The following GRB7 variants were observed in gnomAD, a reference collection of about 807,000 sequenced individuals.
GRB7 encodes the protein growth factor receptor-bound protein 7.
Under a neutral mutation model 64.1 loss-of-function variants are expected in GRB7, and 47 were observed. That is an observed-to-expected ratio of 0.73 (90% CI 0.58 to 0.94). The LOEUF (loss-of-function observed/expected upper bound fraction) is 0.94, where lower values mean the gene tolerates loss of function less well. Ranked by LOEUF, GRB7 falls within the 40% of genes least tolerant of loss-of-function variation. The pLI, the probability that GRB7 is intolerant of heterozygous loss-of-function variation, is 0.00. For synonymous variants in GRB7, 277 were observed against 279.9 expected (o/e 0.99, Z 0.10); for missense variants, 634 against 718.4 (o/e 0.88, Z 1.34).
At chr17:39,746,077 G>C (rs2060043456) in intron 13 of GRB7, 32 bp from the exon 14 acceptor site, 2 of 1,611,740 alleles carry the variant, frequency 1.2e-6, no homozygotes, top group Non-Finnish European at 1.7e-6. Flanking sequence ...TCCTTGGGTA[G>C]TAATGCTGCC....
Position 39,743,413 on chromosome 17 carries a change from A to C in GRB7, c.606A>C (p.Lys202Asn). ...CACAGCACTCCCTGTTCCCAGAAAA[A>C]ATGGTCTCCAGCTGTCTCGATGCAC... is the stretch of plus-strand genomic sequence containing the variant. Reference protein sequence around the residue: ...KSSPHSLFPEKMVSSCLDAHT... With the variant: ...KSSPHSLFPENMVSSCLDAHT... Residue 202 changes from lysine to asparagine, a missense_variant, in exon 6 of 15, where the codon AAA becomes AAC. By Grantham distance (94) the Lys-to-Asn change is moderately conservative. Transcript: ENST00000309156. 6.2e-7 allele frequency: 1 copy of C among 1,614,028 alleles called. No homozygotes were observed. Among genetic ancestry groups the C allele is most frequent in the South Asian group, 1.1e-5 (1 of 91,080 alleles).
rs781514544 is a variant in GRB7 at position 39,746,209 on chromosome 17, T to G, written c.1452+7T>G. 1 of 1,609,454 alleles carries G rather than the reference T, an allele frequency of 6.2e-7. No individual in the cohort carries two copies. Among genetic ancestry groups the G allele is most frequent in the Admixed American group, 1.7e-5 (1 of 60,004 alleles). On this transcript the variant is annotated splice_region_variant and intron_variant, in intron 14 of 14. Transcript: ENST00000309156. ...GCATTATCTCATCCTGCCGGTGAGC[T>G]TCCCTGCGTCCCCGGAGTCCTGCAA...
intron 1 of GRB7, chr17:39,740,190 G>T (rs1373457422): frequency 2.0e-6 from 2 of 984,374 alleles, no homozygotes; most frequent in East Asian, 1.1e-4. Flanking sequence ...AGGTTAGACT[G>T]GGGTGGGAGT....
In GRB7 at chr17:39,742,716, T is replaced by G; in HGVS notation, c.306T>G (p.His102Gln). The G allele has an allele frequency of 6.4e-7, 1 of 1,554,288 alleles. No homozygotes were observed. The highest frequency in any genetic ancestry group is 8.7e-7 in the Non-Finnish European group (1 of 1,150,682). Reference protein sequence around the residue: ...GLLPRDASRPHVVKVYSEDGA... With the variant: ...GLLPRDASRPQVVKVYSEDGA... The stretch of plus-strand genomic sequence containing the variant: ...TCCCCCGCGATGCCAGCCGCCCCCA[T>G]GTGAGTTGTCCCTCAGAAGGGAAGG... Residue 102 changes from histidine to glutamine, a missense_variant and splice_region_variant, in exon 3 of 15, where the codon CAT becomes CAG. Physicochemically the swap from His to Gln is conservative, Grantham distance 24 (BLOSUM62 0). Around this residue, in one of 2 missense-constraint regions of GRB7, gnomAD observed 167 missense variants for 141.9 expected, o/e 1.18. Transcript: ENST00000309156.
intron 1 of GRB7, chr17:39,740,254 G>A: frequency 1.0e-5 from 8 of 770,156 alleles, no homozygotes; most frequent in Non-Finnish European, 1.1e-5. Context: ...GCGGGTGATG[G>A]GTGTGTCGTG....
At chr17:39,745,656 C>G in intron 11 of GRB7, 72 bp from the exon 12 acceptor site, 1 of 1,578,272 alleles carries the variant, frequency 6.3e-7, no homozygotes, top group South Asian at 1.1e-5. Context: ...AAGAAGTGCT[C>G]TACCTTCCTG....
At chr17:39,739,732 G>A (rs1020523356) in intron 1 of GRB7, among the ~76,000 whole-genome samples, 7 of 152,276 alleles carry the variant, frequency 4.6e-5, no homozygotes, top group Non-Finnish European at 1.0e-4. Context: ...ACCACTGGGG[G>A]AGGAGGCAGC....
chr17:39,741,791 G>A (rs963043395), intron 1 of GRB7, among the ~76,000 whole-genome samples: 6 of 151,804 alleles, frequency 4.0e-5, no homozygotes, highest in African/African-American at 1.2e-4. Flanking sequence ...AGGCCAAGGC[G>A]GGCGGATCAG....
Position 39,744,210 on chromosome 17 carries a change from A to G in GRB7, c.801+3A>G. ...ACTCCACCAAGGGCACCTCTAAGGT[A>G]AGGTCTTGAGGGTACCAGCCCCAGC... On this transcript the variant is annotated splice_donor_region_variant and intron_variant, in intron 7 of 14. Transcript: ENST00000309156. The G allele has an allele frequency of 6.2e-7, 1 of 1,613,674 alleles. No individual in the cohort carries two copies. The highest frequency in any genetic ancestry group is 8.5e-7 in the Non-Finnish European group (1 of 1,179,972).
intron 8 of GRB7, 38 bp from the exon 9 acceptor site, chr17:39,744,848 A>G: frequency 6.5e-7 from 1 of 1,546,178 alleles, no homozygotes; most frequent in Non-Finnish European, 8.9e-7. Context: ...GTGGTCCTAA[A>G]GGCAGATATG....
At position 39,743,471 on chromosome 17, in the gene GRB7, G is replaced by GT; in HGVS notation, c.663+2dup. 1 of 1,613,622 alleles carries GT rather than the reference G, an allele frequency of 6.2e-7. No individual in the cohort carries two copies. Among genetic ancestry groups the GT allele is most frequent in the African/African-American group, 1.3e-5 (1 of 74,980 alleles). ...TATATCCCATGAAGACCTCATCCAG[G>GT]TGGGGGGACCCCCCATTTCACTGCA... On this transcript the variant is annotated splice_donor_variant, in intron 6 of 14. Transcript: ENST00000309156. LOFTEE classifies it high-confidence loss of function.
chr17:39,742,890 G>C lies in GRB7; in HGVS notation c.307-8G>C. On this transcript the variant is annotated splice_region_variant and splice_polypyrimidine_tract_variant and intron_variant, in intron 3 of 14. Coordinates refer to ENST00000309156, the MANE Select transcript of GRB7 (RefSeq NM_005310.5). ...CCCCTCAAGTCGTGTGCAATTCCTG[G>C]GGCGCAGGTAGTAAAGGTGTACAGT... 6.4e-7 allele frequency: 1 copy of C among 1,569,758 alleles called. No homozygotes were observed. Among genetic ancestry groups the C allele is most frequent in the Middle Eastern group, 1.7e-4 (1 of 5,840 alleles).
Position 39,742,442 on chromosome 17 carries a change from C to G in GRB7, c.141C>G (p.Ile47Met). Reference sequence around the variant, plus strand: ...TAAAGAGGTCCCAGCCTCTCCTCATCCCAACCACCGGCAGGTACGATGGGG... The same window carrying G: ...TAAAGAGGTCCCAGCCTCTCCTCATGCCAACCACCGGCAGGTACGATGGGG... Reference protein sequence around the residue: ...EEVKRSQPLLIPTTGRKLREE... With the variant: ...EEVKRSQPLLMPTTGRKLREE... Residue 47 changes from isoleucine (I) to methionine (M), a missense_variant, in exon 2 of 15, where the codon ATC becomes ATG. Transcript: ENST00000309156. The G allele has an allele frequency of 1.2e-6, 2 of 1,613,946 alleles. No individual in the cohort carries two copies. Among genetic ancestry groups the G allele is most frequent in the Non-Finnish European group, 8.5e-7 (1 of 1,179,970 alleles).
At chr17:39,738,869 G>T (rs749642701) in intron 1 of GRB7, 1 of 1,533,972 alleles carries the variant, frequency 6.5e-7, no homozygotes, top group Non-Finnish European at 8.7e-7. Flanking sequence ...TCTCCAGATT[G>T]TATGCCCTTC....
rs1201164416 is a variant in GRB7 at position 39,745,276 on chromosome 17, G to A, written c.1045G>A (p.Ala349Thr). 4.3e-6 allele frequency: 7 copies of A among 1,612,244 alleles called. 1 individual carries two copies. The South Asian group carries it at 7.7e-5, about 18-fold the overall frequency. Residue 349 changes from alanine (A) to threonine (T), a missense_variant, in exon 10 of 15, where the codon GCA becomes ACA. By Grantham distance (58) the Ala-to-Thr change is moderately conservative (BLOSUM62 0). Coordinates refer to ENST00000309156, the MANE Select transcript of GRB7 (RefSeq NM_005310.5). Reference protein sequence around the residue: ...GVQLYKNYQQAQSRHLHPSCL... With the variant: ...GVQLYKNYQQTQSRHLHPSCL... ...GCAGCTGTACAAGAATTACCAGCAG[G>A]CACAGTCTCGCCATCTGCATCCATC...
At position 39,744,939 on chromosome 17, in the gene GRB7, T is replaced by C. The variant is rs1435609903; in HGVS notation, c.966T>C (p.Asp322=). The part of the protein sequence containing the change: ...HKGLRIFCSE[D]EQSRTCWLAA... ...GGCTTCGGATCTTCTGCAGTGAAGA[T>C]GAGCAGAGCCGCACCTGCTGGCTGG... The change falls in exon 9 of 15, where the codon GAT becomes GAC. Residue 322 remains aspartate, a synonymous_variant. Coordinates refer to ENST00000309156, the MANE Select transcript of GRB7 (RefSeq NM_005310.5). 6.2e-7 allele frequency: 1 copy of C among 1,614,106 alleles called. No homozygotes were observed. Among genetic ancestry groups the C allele is most frequent in the Non-Finnish European group, 8.5e-7 (1 of 1,179,992 alleles).
chr17:39,746,223 G>A (rs777900869), intron 14 of GRB7, 21 bp downstream of exon 14: 27 of 1,598,730 alleles, frequency 1.7e-5, no homozygotes, highest in South Asian at 5.5e-5. Context: ...CTGCGTCCCC[G>A]GAGTCCTGCA....
At chr17:39,743,365 C>G in intron 5 of GRB7, 28 bp from the exon 6 acceptor site, 2 of 1,614,158 alleles carry the variant, frequency 1.2e-6, no homozygotes, top group Middle Eastern at 1.6e-4. Context: ...TGCTGGAGCC[C>G]TGATCCCTGA....
rs375032471 is a variant in GRB7, at chr17:39,744,087, C to A, written c.681C>A (p.Gly227=). The change falls in exon 7 of 15, where the codon GGC becomes GGA. Residue 227 remains glycine (G), a synonymous_variant. Transcript: ENST00000309156. ...TGGCTCAGAACTTCCTGAATGCTGG[C>A]AGCTTTCCTGAGATCCAGGGCTTTC... ...EDLIQNFLNA[G]SFPEIQGFLQ... 1.9e-5 allele frequency: 30 copies of A among 1,614,062 alleles called. No homozygotes were observed. Among genetic ancestry groups the A allele is most frequent in the Non-Finnish European group, 2.5e-5 (30 of 1,180,024 alleles).
Sources: allele counts gnomAD v4.1 joint callset (sites outside exome capture counted in the v4.1 genomes callset), GRCh38; gene constraint gnomAD v4.1.1; regional missense constraint gnomAD v4.1.1; transcripts MANE v1.5; gene names NCBI Gene and HGNC (gene_info 2026-07-23, HGNC 2026-07-21).